The following NCOA7 variants were observed in gnomAD, a reference collection of about 807,000 sequenced individuals.
NCOA7 encodes nuclear receptor coactivator 7, also known as 140 kDa estrogen receptor-associated protein.
Under a neutral mutation model 104.3 loss-of-function variants are expected in NCOA7, and 45 were observed. The observed-to-expected ratio is 0.43, with a 90% CI of 0.34 to 0.55. The LOEUF is 0.55. Among genes scored for constraint, NCOA7 ranks in the 20% least tolerant of loss-of-function variants. The pLI, the probability that NCOA7 is intolerant of heterozygous loss-of-function variation, is 0.02. For synonymous variants in NCOA7, 398 were observed against 402.3 expected, an observed-to-expected ratio of 0.99 and a Z score of 0.13; for missense variants, 1,041 against 1,119.7, an observed-to-expected ratio of 0.93 and a Z score of 1.00.
upstream of NCOA7, among the ~76,000 whole-genome samples, chr6:125,789,702 A>AGCAG (rs1774653910): frequency 6.6e-6 from 1 of 152,260 alleles, no homozygotes; most frequent in Non-Finnish European, 1.5e-5. Context: ...TTTGCAAGAC[A>AGCAG]GTATAACATG....
intron 10 of NCOA7, among the ~76,000 whole-genome samples, chr6:125,899,365 C>G (rs1415056751): frequency 6.6e-6 from 1 of 152,198 alleles, no homozygotes; most frequent in Non-Finnish European, 1.5e-5. Flanking sequence ...CACAGCTAAC[C>G]TGGAATCTTT....
chr6:125,830,472 T>C lies in NCOA7; in HGVS notation c.50+15068T>C, dbSNP rs531856036. Reference sequence around the variant, plus strand: ...GGAAGGCTGAGGTGGAAGGATTGTTTGAGGCCAGAAGCTCAAGACCAGCCT... The same window carrying C: ...GGAAGGCTGAGGTGGAAGGATTGTTCGAGGCCAGAAGCTCAAGACCAGCCT... On this transcript the variant is annotated intron_variant, in intron 2 of 15. Coordinates refer to ENST00000392477, the MANE Select transcript of NCOA7 (RefSeq NM_181782.5). Among the ~76,000 whole-genome samples the C allele has an allele frequency of 3.3e-5, 5 of 152,304 alleles. No individual in the cohort carries two copies. In the South Asian group the frequency reaches 6.2e-4, roughly 19 times the overall value.
chr6:125,918,154 C>G (rs773804214), intron 11 of NCOA7, among the ~76,000 whole-genome samples: 6 of 152,068 alleles, frequency 3.9e-5, no homozygotes, highest in Non-Finnish European at 7.4e-5. Context: ...AGTTTGTGAT[C>G]CCAAGATTTT....
chr6:125,801,418 A>G (rs11967627), intron 1 of NCOA7, among the ~76,000 whole-genome samples: 14,242 of 152,244 alleles, frequency 0.094, 681 homozygotes, highest in Middle Eastern at 0.15. Context: ...CAGAATGGAC[A>G]TGTTGGGAAA....
At chr6:125,881,920 C>A (rs1395275339) in intron 6 of NCOA7, among the ~76,000 whole-genome samples, 1 of 152,166 alleles carries the variant, frequency 6.6e-6, no homozygotes, top group East Asian at 1.9e-4. Flanking sequence ...ATGGCACGAT[C>A]TTCGCTTACT....
intron 11 of NCOA7, among the ~76,000 whole-genome samples, chr6:125,920,701 G>T (rs927227035): frequency 3.3e-5 from 5 of 152,104 alleles, no homozygotes; most frequent in Non-Finnish European, 7.4e-5. Flanking sequence ...GAGCCACCAC[G>T]TCTAGCCTTG....
Position 125,803,902 on chromosome 6 carries a change from T to A in NCOA7, c.-64-11389T>A, listed in dbSNP as rs140307965. Among the ~76,000 whole-genome samples, 189 of 152,260 alleles carry A rather than the reference T, an allele frequency of 1.2e-3. 1 individual carries two copies. Among genetic ancestry groups the A allele is most frequent in the African/African-American group, 4.3e-3 (180 of 41,542 alleles). ...GATCCACAAAGTAGCCCCCAACAAA[T>A]AGTAATAAGTAGTAATAGTAGTAGT... On this transcript the variant is annotated intron_variant, in intron 1 of 15. Coordinates refer to ENST00000392477, the MANE Select transcript of NCOA7 (RefSeq NM_181782.5).
intron 1 of NCOA7, among the ~76,000 whole-genome samples, chr6:125,804,748 G>A (rs1776269126): frequency 6.6e-6 from 1 of 151,912 alleles, no homozygotes; most frequent in African/African-American, 2.4e-5. Context: ...AAAAAAGATG[G>A]CTTTCATAAT....
At chr6:125,851,976 TTA>T (rs1338853846) in intron 2 of NCOA7, among the ~76,000 whole-genome samples, 4 of 152,200 alleles carry the variant, frequency 2.6e-5, no homozygotes, top group Non-Finnish European at 5.9e-5. Context: ...ACTGAATACC[TTA>T]TAGATTCTAG....
intron 10 of NCOA7, among the ~76,000 whole-genome samples, 171 bp downstream of exon 10, chr6:125,890,981 G>A (rs1396205694): frequency 6.6e-6 from 1 of 152,164 alleles, no homozygotes; most frequent in Admixed American, 6.5e-5. Context: ...CTAAATGGTG[G>A]TTTTAATATA....
chr6:125,868,533 T>A (rs572304765), intron 3 of NCOA7, among the ~76,000 whole-genome samples: 48 of 152,350 alleles, frequency 3.2e-4, no homozygotes, highest in Non-Finnish European at 5.4e-4. Context: ...TGGTTGCTAG[T>A]TAAACCCAGC....
At chr6:125,824,976 C>T (rs1349055151) in intron 2 of NCOA7, among the ~76,000 whole-genome samples, 1 of 152,040 alleles carries the variant, frequency 6.6e-6, no homozygotes, top group Non-Finnish European at 1.5e-5. Context: ...GCGGACATTG[C>T]AGGGAGTCGA....
At position 125,864,395 on chromosome 6, in the gene NCOA7, C is replaced by T. The variant is rs908517323; in HGVS notation, c.271+9155C>T. Among the ~76,000 whole-genome samples, 13 of 136,750 alleles carry T rather than the reference C, an allele frequency of 9.5e-5. 2 individuals carry two copies. The highest frequency in any genetic ancestry group is 4.0e-4 in the African/African-American group (13 of 32,578). The allele number at this position is 136,750 out of a possible 152,430, so 89.7% of individuals were successfully genotyped here. On this transcript the variant is annotated intron_variant, in intron 3 of 15. Transcript: ENST00000392477. ...AGAGAATTTCTAGAAGTGTATTCAC[C>T]AGAATGCAAACATCAGTCTCTCTGA... is the stretch of plus-strand genomic sequence containing the variant.
chr6:125,881,314 T>C (rs1783805830), intron 6 of NCOA7, 111 bp downstream of exon 6: 5 of 829,450 alleles, frequency 6.0e-6, no homozygotes, highest in African/African-American at 1.7e-5. Flanking sequence ...CCCTAGATGG[T>C]TGAGATTAGG....
rs1775176588 is a variant in NCOA7, at chr6:125,794,999, G to A, written c.-65+3932G>A. Among the ~76,000 whole-genome samples, 7 of 152,160 alleles carry A rather than the reference G, an allele frequency of 4.6e-5. No individual in the cohort carries two copies. In the South Asian group the frequency reaches 1.4e-3, roughly 32 times the overall value. The stretch of plus-strand genomic sequence containing the variant: ...TTTAATAAATCAGAGTCTTCTCTGA[G>A]CCTCTTTTATTTACCATGAAATTTA... On this transcript the variant is annotated intron_variant, in intron 1 of 15. Transcript: ENST00000392477.
intron 2 of NCOA7, among the ~76,000 whole-genome samples, chr6:125,847,242 G>C (rs1014391504): frequency 1.4e-4 from 22 of 152,078 alleles, no homozygotes; most frequent in African/African-American, 5.1e-4. Flanking sequence ...TTGCAAATAG[G>C]ACTAACTATA....
intron 2 of NCOA7, among the ~76,000 whole-genome samples, chr6:125,844,089 T>TC (rs1239585414): frequency 6.6e-6 from 1 of 152,186 alleles, no homozygotes; most frequent in East Asian, 1.9e-4. Flanking sequence ...CCCACCACTG[T>TC]TTTAACAGTA....
rs137864519 is a variant in NCOA7 at position 125,884,783 on chromosome 6, G to A, written c.700-376G>A. Among the ~76,000 whole-genome samples the A allele has an allele frequency of 2.6e-5, 4 of 152,334 alleles. No homozygotes were observed. In the East Asian group the frequency reaches 5.8e-4, roughly 22 times the overall value. On this transcript the variant is annotated intron_variant, in intron 7 of 15. Transcript: ENST00000392477. ...GAAGACTTGCAGAGTGAATTGTAAA[G>A]CCCTGTATTCTCGATCGGGTAAGCA...
chr6:125,907,025 A>T (rs1413132540), intron 10 of NCOA7, among the ~76,000 whole-genome samples: 1 of 152,196 alleles, frequency 6.6e-6, no homozygotes, highest in African/African-American at 2.4e-5. Flanking sequence ...TCTCCAGAGG[A>T]CTTAGAACTT....
Sources: gnomAD v4.1 joint callset for allele counts (sites outside exome capture counted in the v4.1 genomes callset) on GRCh38, gnomAD v4.1.1 for gene constraint, MANE v1.5 for transcripts, NCBI Gene and HGNC (gene_info 2026-07-23, HGNC 2026-07-21) for gene names.